AHCYL1: variants seen among roughly 807,000 people sequenced by gnomAD.
AHCYL1 encodes S-adenosylhomocysteine hydrolase-like protein 1.
Under a neutral mutation model 79.3 loss-of-function variants are expected in AHCYL1, and 20 were observed. That is an observed-to-expected ratio of 0.25 (90% CI 0.18 to 0.37). The LOEUF (loss-of-function observed/expected upper bound fraction) is 0.37. AHCYL1 is among the 10% of genes least tolerant of loss of function. AHCYL1 has a pLI of 1.00. For synonymous variants in AHCYL1, 223 were observed against 242.2 expected (o/e 0.92, Z 0.74); for missense variants, 330 against 673.6 (o/e 0.49, Z 5.65).
intron 3 of AHCYL1, among the ~76,000 whole-genome samples, chr1:110,012,101 T>C (rs114150400): frequency 6.6e-5 from 10 of 152,366 alleles, no homozygotes; most frequent in African/African-American, 2.2e-4. Flanking sequence ...TTCATTTTGA[T>C]CAGTTTTAAG....
chr1:110,011,215 T>C lies in AHCYL1; in HGVS notation c.234T>C (p.Ala78=). The C allele has an allele frequency of 6.2e-7, 1 of 1,613,538 alleles. No individual in the cohort carries two copies. Among genetic ancestry groups the C allele is most frequent in the African/African-American group, 1.3e-5 (1 of 74,952 alleles). ...SQSSTDSYSS[A]ASYTDSSDDE... is the part of the protein sequence containing the mutation. ...TGTTTTTTTCTTTCCTGGCTCTAGCTGCATCCTACACAGATAGCTCTGATG... is the reference window on the plus strand; with the variant it reads ...TGTTTTTTTCTTTCCTGGCTCTAGCCGCATCCTACACAGATAGCTCTGATG... The change falls in exon 3 of 17, where the codon GCT becomes GCC. Residue 78 remains alanine (A), a splice_region_variant and synonymous_variant. Coordinates refer to ENST00000369799, the MANE Select transcript of AHCYL1 (RefSeq NM_006621.7).
intron 5 of AHCYL1, 88 bp downstream of exon 5, chr1:110,013,087 C>A (rs1341382376): frequency 3.1e-6 from 3 of 974,272 alleles, no homozygotes; most frequent in Admixed American, 5.0e-5. Flanking sequence ...ATTACAATAT[C>A]ATATATGTCT....
At chr1:110,004,942 T>C (rs186059466) in intron 1 of AHCYL1, among the ~76,000 whole-genome samples, 1 of 152,370 alleles carries the variant, frequency 6.6e-6, no homozygotes, top group East Asian at 1.9e-4. Flanking sequence ...TGACACACTA[T>C]GCTTAGTAAT....
At chr1:110,000,270 A>AG (rs1034708071) in intron 1 of AHCYL1, among the ~76,000 whole-genome samples, 1 of 152,254 alleles carries the variant, frequency 6.6e-6, no homozygotes, top group African/African-American at 2.4e-5. Context: ...TCATACAAAT[A>AG]GGGAATTCTG....
At chr1:110,002,034 A>G (rs577482494) in intron 1 of AHCYL1, among the ~76,000 whole-genome samples, 2 of 152,348 alleles carry the variant, frequency 1.3e-5, no homozygotes, top group East Asian at 1.9e-4. Flanking sequence ...AAACTTTTGT[A>G]TGCATTATAG....
At position 110,017,592 on chromosome 1, in the gene AHCYL1, A is replaced by G. The variant is rs1651501662; in HGVS notation, c.1052+9A>G. On this transcript the variant is annotated intron_variant, in intron 10 of 16. Coordinates refer to ENST00000369799, the MANE Select transcript of AHCYL1 (RefSeq NM_006621.7). ...TGTGCTCTGCAGGCCTGGTAAGAAC[A>G]GAGTGATAATACTATTAGATTCACT... 2 of 1,611,674 alleles carry G rather than the reference A, an allele frequency of 1.2e-6. No homozygotes were observed. The highest frequency in any genetic ancestry group is 1.7e-6 in the Non-Finnish European group (2 of 1,178,016).
intron 1 of AHCYL1, among the ~76,000 whole-genome samples, chr1:109,987,606 G>A (rs748846548): frequency 1.3e-4 from 20 of 152,156 alleles, no homozygotes; most frequent in Non-Finnish European, 1.0e-4. Context: ...TGTTTGCTTT[G>A]TTTGAGACAG....
In AHCYL1 at chr1:110,004,111, C is replaced by G. The variant is rs1650492315; in HGVS notation, c.121-4923C>G. ...GCATTGACAGAAGATCTAGTTGAGT[C>G]CTACTTTGAAAGGAGTATTGCTTCT... On this transcript the variant is annotated intron_variant, in intron 1 of 16. Coordinates refer to ENST00000369799, the MANE Select transcript of AHCYL1 (RefSeq NM_006621.7). The G allele has an allele frequency of 2.7e-5, 27 of 985,430 alleles. No individual in the cohort carries two copies. In the South Asian group the frequency reaches 9.9e-4, roughly 36 times the overall value. 61.0% of individuals were successfully genotyped at this position (985,430 alleles called of 1,614,324 possible).
At chr1:110,015,654 A>AC (rs11384766) in intron 7 of AHCYL1, 123 bp downstream of exon 7, 727,940 of 733,972 alleles carry the variant, frequency 0.99, 361,206 homozygotes, top group East Asian at 1. Context: ...ATTAGATAAA[A>AC]TTTTGAGTTT....
chr1:110,021,055 C>G (rs966540776), intron 16 of AHCYL1, among the ~76,000 whole-genome samples: 1 of 152,182 alleles, frequency 6.6e-6, no homozygotes, highest in African/African-American at 2.4e-5. Flanking sequence ...GTCAGGAGTT[C>G]AAGACCAGCC....
In AHCYL1 at chr1:110,014,763, G is replaced by C; in HGVS notation, c.581G>C (p.Gly194Ala). 6.2e-7 allele frequency: 1 copy of C among 1,613,334 alleles called. No individual in the cohort carries two copies. Among genetic ancestry groups the C allele is most frequent in the Non-Finnish European group, 8.5e-7 (1 of 1,179,254 alleles). ...AGCTGATTCATTTCTGTCTCTACAG[G>C]AGTTGCAGTGTTCGCTTGGAAGGGC... Reference protein sequence around the residue: ...NEVAAALAEAGVAVFAWKGES... With the variant: ...NEVAAALAEAAVAVFAWKGES... Residue 194 changes from glycine (G) to alanine (A), a missense_variant and splice_region_variant, in exon 6 of 17, where the codon GGA (glycine) becomes GCA (alanine). By Grantham distance (60) the Gly-to-Ala change is moderately conservative. Transcript: ENST00000369799.
chr1:109,996,266 C>T (rs776600795), intron 1 of AHCYL1, among the ~76,000 whole-genome samples: 2 of 152,134 alleles, frequency 1.3e-5, no homozygotes, highest in Non-Finnish European at 2.9e-5. Flanking sequence ...ATTTTGATCA[C>T]GAGGAGAAAT....
At chr1:110,002,619 C>T (rs978834872) in intron 1 of AHCYL1, among the ~76,000 whole-genome samples, 8 of 152,272 alleles carry the variant, frequency 5.3e-5, no homozygotes, top group Middle Eastern at 6.8e-3. Flanking sequence ...GGATTATTAA[C>T]AGATGGTGAA....
chr1:109,997,683 G>A (rs925632245), intron 1 of AHCYL1, among the ~76,000 whole-genome samples: 9 of 152,158 alleles, frequency 5.9e-5, no homozygotes, highest in Non-Finnish European at 1.3e-4. Flanking sequence ...AGTGTGTAAC[G>A]CGTACTGCAG....
chr1:109,985,065 G>A lies in AHCYL1; in HGVS notation c.13G>A (p.Asp5Asn). Residue 5 changes from aspartate to asparagine, a missense_variant, in exon 1 of 17, where the codon GAC becomes AAC. Around this residue, in one of 6 missense-constraint regions of AHCYL1, gnomAD observed 66 missense variants for 68.0 expected, o/e 0.97. Coordinates refer to ENST00000369799, the MANE Select transcript of AHCYL1 (RefSeq NM_006621.7). MSMP[D>N]AMPLPGVGEE... ...GGCCGGCCGGGGAATGTCGATGCCT[G>A]ACGCGATGCCGCTGCCCGGGGTCGG... 6.2e-7 allele frequency: 1 copy of A among 1,602,418 alleles called. No homozygotes were observed. The highest frequency in any genetic ancestry group is 8.5e-7 in the Non-Finnish European group (1 of 1,175,566).
intron 5 of AHCYL1, among the ~76,000 whole-genome samples, chr1:110,013,378 A>G (rs931616696): frequency 3.9e-5 from 6 of 152,230 alleles, no homozygotes; most frequent in Non-Finnish European, 5.9e-5. Flanking sequence ...TTGAAAATAT[A>G]TGAGCTATTT....
At chr1:110,015,351 C>A in intron 6 of AHCYL1, 74 bp from the exon 7 acceptor site, 1 of 1,180,850 alleles carries the variant, frequency 8.5e-7, no homozygotes, top group Non-Finnish European at 1.3e-6. Context: ...CTTACTAGTA[C>A]AGAAAGTGGG....
Position 109,984,840 on chromosome 1 carries a change from T to A in AHCYL1, c.-213T>A. On this transcript the variant is annotated 5_prime_UTR_variant, in exon 1 of 17. Coordinates refer to ENST00000369799, the MANE Select transcript of AHCYL1 (RefSeq NM_006621.7). ...GAGCTCGGAGCTGCTGTTCTGGTTCTCTTGTGGCCGCCGTCGCTGTCCGGC... is the reference window on the plus strand; with the variant it reads ...GAGCTCGGAGCTGCTGTTCTGGTTCACTTGTGGCCGCCGTCGCTGTCCGGC... The A allele has an allele frequency of 1.6e-6, 1 of 636,400 alleles. No homozygotes were observed. Among genetic ancestry groups the A allele is most frequent in the Non-Finnish European group, 2.2e-6 (1 of 451,098 alleles). The allele number at this position is 636,400 out of a possible 1,614,324, so 39.4% of individuals were successfully genotyped here. A position where few individuals can be genotyped will look rare whatever the true frequency, so the allele number is the denominator to read the frequency against.
chr1:110,012,294 C>A, intron 3 of AHCYL1, 68 bp from the exon 4 acceptor site: 2 of 1,430,590 alleles, frequency 1.4e-6, no homozygotes, highest in Non-Finnish European at 1.9e-6. Flanking sequence ...AGATCCAGAC[C>A]AGCCCTGGGG....
Sources: allele counts gnomAD v4.1 joint callset (sites outside exome capture counted in the v4.1 genomes callset), GRCh38; gene constraint gnomAD v4.1.1; regional missense constraint gnomAD v4.1.1; transcripts MANE v1.5; gene names NCBI Gene and HGNC (gene_info 2026-07-23, HGNC 2026-07-21).